Variants in CACNB2 observed in about 807,000 individuals in gnomAD.
CACNB2 encodes the protein voltage-dependent L-type calcium channel subunit beta-2.
A neutral mutation model predicts 73.3 loss-of-function variants in CACNB2; 42 were observed. The ratio of observed to expected loss-of-function variants is 0.57; its 90% confidence interval spans 0.45 to 0.74. The LOEUF is 0.74. Among genes scored for constraint, CACNB2 ranks in the 30% least tolerant of loss-of-function variants. The probability of loss-of-function intolerance (pLI) is 0.00; values close to 1 mark genes in which losing one functional copy is unlikely to be tolerated. For missense variants in CACNB2, 940 were observed against 853.0 expected (o/e 1.10, Z -1.27); for synonymous variants, 348 against 310.3 (o/e 1.12, Z -1.28).
chr10:18,489,523 G>A (rs1458112205), intron 3 of CACNB2, among the ~76,000 whole-genome samples: 1 of 147,118 alleles, frequency 6.8e-6, no homozygotes, highest in East Asian at 2.0e-4. Flanking sequence ...CCATCCTGTT[G>A]CCTCAGCCTC....
At chr10:18,305,110 C>G (rs966311459) in intron 2 of CACNB2, among the ~76,000 whole-genome samples, 1 of 152,152 alleles carries the variant, frequency 6.6e-6, no homozygotes, top group Non-Finnish European at 1.5e-5. Flanking sequence ...CATTCCCTTT[C>G]TTATATTCTC....
intron 2 of CACNB2, among the ~76,000 whole-genome samples, chr10:18,308,502 T>C (rs147421911): frequency 3.0e-4 from 46 of 152,306 alleles, no homozygotes; most frequent in African/African-American, 9.6e-4. Flanking sequence ...TGTGTTCCCA[T>C]TGTAGTGTCC....
At chr10:18,287,642 A>G (rs886170940) in intron 2 of CACNB2, among the ~76,000 whole-genome samples, 4 of 152,134 alleles carry the variant, frequency 2.6e-5, no homozygotes, top group Non-Finnish European at 4.4e-5. Context: ...CCTGAGCCCA[A>G]GAGTTTAAGA....
At chr10:18,433,281 G>A (rs1166900853) in intron 3 of CACNB2, among the ~76,000 whole-genome samples, 1 of 152,178 alleles carries the variant, frequency 6.6e-6, no homozygotes. Context: ...ATTGGTTTTA[G>A]AAATGGCAAG....
At position 18,464,500 on chromosome 10, in the gene CACNB2, C is replaced by T. The variant is rs1378053818; in HGVS notation, c.334-33855C>T. ...AGATTCAATTTTTATTTCCAAGCTT[C>T]CCCACTTGTATATTCACACGGACCT... On this transcript the variant is annotated intron_variant, in intron 3 of 13. Transcript: ENST00000324631. 5.3e-5 allele frequency among the ~76,000 whole-genome samples: 8 copies of T among 150,736 alleles called. No homozygotes were observed. In the South Asian group the frequency reaches 1.5e-3, roughly 28 times the overall value.
chr10:18,306,872 G>A (rs950180815), intron 2 of CACNB2, among the ~76,000 whole-genome samples: 1 of 152,094 alleles, frequency 6.6e-6, no homozygotes, highest in African/African-American at 2.4e-5. Flanking sequence ...TTTAAAAGAA[G>A]CAGCAGATAG....
intron 3 of CACNB2, among the ~76,000 whole-genome samples, chr10:18,405,971 C>CAAAG: frequency 6.6e-6 from 1 of 151,908 alleles, no homozygotes; most frequent in Admixed American, 6.6e-5. Flanking sequence ...AACAAACAAA[C>CAAAG]AAACAAAAAA....
intron 3 of CACNB2, among the ~76,000 whole-genome samples, chr10:18,493,348 A>G (rs1205899384): frequency 6.6e-6 from 1 of 152,120 alleles, no homozygotes; most frequent in African/African-American, 2.4e-5. Context: ...TTGTATTTTT[A>G]GTAGAGACGT....
At chr10:18,515,187 A>G in intron 7 of CACNB2, 2 of 713,956 alleles carry the variant, frequency 2.8e-6, no homozygotes, top group South Asian at 3.0e-5. Context: ...GATGCTACAC[A>G]GCGAGGCTCC....
intron 2 of CACNB2, among the ~76,000 whole-genome samples, chr10:18,302,297 G>A (rs113955098): frequency 0.019 from 2,896 of 152,166 alleles, 55 homozygotes; most frequent in Non-Finnish European, 0.024. Context: ...TGTTGCTGTA[G>A]CAGTCTTCCA....
At chr10:18,323,580 A>G (rs1289239771) in intron 2 of CACNB2, among the ~76,000 whole-genome samples, 1 of 152,194 alleles carries the variant, frequency 6.6e-6, no homozygotes, top group African/African-American at 2.4e-5. Context: ...TCAAAAAAAG[A>G]TTCACTTGGA....
In CACNB2 at chr10:18,230,277, G is replaced by A. The variant is rs191873918; in HGVS notation, c.213+79302G>A. Among the ~76,000 whole-genome samples the A allele has an allele frequency of 8.5e-5, 13 of 152,306 alleles. No individual in the cohort carries two copies. In the East Asian group the frequency reaches 2.5e-3, roughly 29 times the overall value. ...CAAATCAACAGCATACATTTCTGCA[G>A]CAATGAACTTTCCTTGTTGTTAGAA... On this transcript the variant is annotated intron_variant, in intron 2 of 13. Coordinates refer to ENST00000324631, the MANE Select transcript of CACNB2 (RefSeq NM_201596.3).
chr10:18,340,627 C>T, intron 2 of CACNB2: 2 of 1,247,044 alleles, frequency 1.6e-6, no homozygotes, highest in Non-Finnish European at 2.0e-6. Context: ...GTCTGTCTTC[C>T]AAGCCAGCTG....
rs1491249163 is a variant in CACNB2, at chr10:18,391,925, C to CG, written c.214-9999_214-9998insG. ...CCTGAGTGACAGAGTAAGACCCTGTCAAAAAAAAAAAAAAAAAAAAGAAGG... is the reference window on the plus strand; with the variant it reads ...CCTGAGTGACAGAGTAAGACCCTGTCGAAAAAAAAAAAAAAAAAAAAGAAGG... On this transcript the variant is annotated intron_variant, in intron 2 of 13. Transcript: ENST00000324631. Among the ~76,000 whole-genome samples the CG allele has an allele frequency of 5.9e-5, 5 of 84,618 alleles. No individual in the cohort carries two copies. The South Asian group carries it at 1.5e-3, about 26-fold the overall frequency. The allele number at this position is 84,618 out of a possible 152,430, so 55.5% of individuals were successfully genotyped here.
At chr10:18,458,827 G>A (rs79960536) in intron 3 of CACNB2, among the ~76,000 whole-genome samples, 86,422 of 147,918 alleles carry the variant, frequency 0.58, 26,602 homozygotes, top group Non-Finnish European at 0.69. Context: ...GGGCAATGGC[G>A]TGATCTTGGC....
At chr10:18,160,742 A>T (rs1168922085) in intron 2 of CACNB2, among the ~76,000 whole-genome samples, 2 of 152,118 alleles carry the variant, frequency 1.3e-5, no homozygotes, top group African/African-American at 4.8e-5. Context: ...ATGATCAAAG[A>T]ATACTTCCCT....
chr10:18,451,627 C>A (rs1031340444), intron 3 of CACNB2, among the ~76,000 whole-genome samples: 2 of 152,182 alleles, frequency 1.3e-5, no homozygotes, highest in Admixed American at 1.3e-4. Context: ...TTCTTTGTTA[C>A]TCCTCTCCCA....
chr10:18,447,580 C>T (rs1016969209), intron 3 of CACNB2, among the ~76,000 whole-genome samples: 13 of 151,934 alleles, frequency 8.6e-5, no homozygotes, highest in South Asian at 6.2e-4. Flanking sequence ...TGTTCAGCAA[C>T]GTCAAATGCT....
At chr10:18,256,838 G>T (rs2131578505) in intron 2 of CACNB2, 1 of 148,254 alleles carries the variant, frequency 6.7e-6, no homozygotes, top group South Asian at 2.1e-4. Context: ...ACTACTACTT[G>T]GGAGGCTGAG....
Sources: allele counts gnomAD v4.1 joint callset (sites outside exome capture counted in the v4.1 genomes callset), GRCh38; gene constraint gnomAD v4.1.1; transcripts MANE v1.5; gene names NCBI Gene and HGNC (gene_info 2026-07-23, HGNC 2026-07-21).